Variants in SPTLC3 observed in about 807,000 individuals in gnomAD.
SPTLC3 encodes the protein serine palmitoyltransferase long chain base subunit 3.
In SPTLC3, 36 loss-of-function variants were observed where a neutral mutation model predicts 59.3. The observed-to-expected ratio is 0.61, with a 90% CI of 0.47 to 0.80. The LOEUF is 0.80. Ranked by LOEUF, SPTLC3 falls within the 30% of genes least tolerant of loss-of-function variation. The pLI is 0.00. For missense variants in SPTLC3, 625 were observed against 685.1 expected (o/e 0.91, Z 0.98); for synonymous variants, 257 against 240.8 (o/e 1.07, Z -0.62).
chr20:13,097,530 G>C (rs916647015), intron 6 of SPTLC3, among the ~76,000 whole-genome samples: 1 of 152,050 alleles, frequency 6.6e-6, no homozygotes, highest in African/African-American at 2.4e-5. Flanking sequence ...CTACAGCAGT[G>C]TTCTCTTAGA....
intron 2 of SPTLC3, among the ~76,000 whole-genome samples, chr20:13,055,677 A>G (rs376499178): frequency 1.3e-5 from 2 of 151,984 alleles, no homozygotes; most frequent in African/African-American, 4.8e-5. Flanking sequence ...TTTTATCAGG[A>G]AAAAAAATAC....
intron 6 of SPTLC3, among the ~76,000 whole-genome samples, chr20:13,109,710 C>G (rs1205635816): frequency 6.6e-6 from 1 of 152,220 alleles, no homozygotes; most frequent in African/African-American, 2.4e-5. Context: ...CTCAGCTAAA[C>G]TCTAACATGC....
chr20:13,086,948 C>G (rs896022160), intron 4 of SPTLC3, among the ~76,000 whole-genome samples: 4 of 152,128 alleles, frequency 2.6e-5, no homozygotes, highest in African/African-American at 9.7e-5. Flanking sequence ...TACCACCATG[C>G]CCAGCTACTT....
intron 6 of SPTLC3, among the ~76,000 whole-genome samples, chr20:13,096,334 G>A (rs4813114): frequency 0.64 from 96,889 of 151,828 alleles, 32,195 homozygotes; most frequent in South Asian, 0.84. Flanking sequence ...AAGAATGTTC[G>A]TAGCATCTTT....
chr20:13,134,700 G>A (rs1348876879), intron 9 of SPTLC3, among the ~76,000 whole-genome samples: 1 of 152,084 alleles, frequency 6.6e-6, no homozygotes, highest in Non-Finnish European at 1.5e-5. Context: ...TCTGTGCAGT[G>A]GGAGAAGTAA....
At chr20:13,088,705 G>C (rs538042998) in intron 4 of SPTLC3, among the ~76,000 whole-genome samples, 1 of 150,832 alleles carries the variant, frequency 6.6e-6, no homozygotes, top group East Asian at 1.9e-4. Context: ...CGCAACCTCT[G>C]CCTCCCAAGT....
At chr20:13,112,331 T>C (rs530743073) in intron 7 of SPTLC3, among the ~76,000 whole-genome samples, 6 of 152,320 alleles carry the variant, frequency 3.9e-5, no homozygotes, top group African/African-American at 1.2e-4. Context: ...GCTTTCTCTA[T>C]AGATAGTCTC....
At chr20:13,051,234 A>G (rs967091650) in intron 2 of SPTLC3, among the ~76,000 whole-genome samples, 3 of 150,294 alleles carry the variant, frequency 2.0e-5, no homozygotes, top group East Asian at 3.9e-4. Flanking sequence ...AACTTAAAGT[A>G]AACGGGTGGA....
chr20:13,072,338 C>T lies in SPTLC3; in HGVS notation c.386C>T (p.Pro129Leu). 1 of 1,613,802 alleles carries T rather than the reference C, an allele frequency of 6.2e-7. No individual in the cohort carries two copies. The highest frequency in any genetic ancestry group is 8.5e-7 in the Non-Finnish European group (1 of 1,179,818). Reference protein sequence around the residue: ...YMRIRDNWNRPICSAPGPLFD... With the variant: ...YMRIRDNWNRLICSAPGPLFD... The stretch of plus-strand genomic sequence containing the variant: ...CGAATCAGAGACAACTGGAACCGGC[C>T]CATCTGCAGTGCCCCAGGGCCTCTG... Residue 129 changes from proline to leucine, a missense_variant, in exon 3 of 12, where the codon CCC becomes CTC. Transcript: ENST00000399002.
intron 6 of SPTLC3, among the ~76,000 whole-genome samples, chr20:13,095,708 A>G (rs906848447): frequency 1.3e-5 from 2 of 152,106 alleles, no homozygotes; most frequent in Non-Finnish European, 2.9e-5. Context: ...AAGACCTAGA[A>G]TCTTATTTTT....
At chr20:13,028,623 C>T (rs76567848) in intron 1 of SPTLC3, among the ~76,000 whole-genome samples, 1 of 152,048 alleles carries the variant, frequency 6.6e-6, no homozygotes, top group African/African-American at 2.4e-5. Context: ...TGAAAATTTT[C>T]ATACATGTCT....
chr20:13,080,041 T>C (rs559637044), intron 4 of SPTLC3, among the ~76,000 whole-genome samples: 21 of 152,238 alleles, frequency 1.4e-4, no homozygotes, highest in Middle Eastern at 3.4e-3. Context: ...TAAACTTCTG[T>C]ACATAGAAAA....
In SPTLC3 at chr20:13,138,458, A is replaced by C. The variant is rs181554196; in HGVS notation, c.1279+11741A>C. ...CTTCCTTCAGTCCCTTGCGGTTTTT[A>C]CTTCTATTATGTTAGTCACACACAC... is the stretch of plus-strand genomic sequence containing the variant. On this transcript the variant is annotated intron_variant, in intron 9 of 11. Coordinates refer to ENST00000399002, the MANE Select transcript of SPTLC3 (RefSeq NM_018327.4). Among the ~76,000 whole-genome samples the C allele has an allele frequency of 7.3e-3, 1,116 of 151,942 alleles. 15 individuals carry two copies. The highest frequency in any genetic ancestry group is 0.025 in the African/African-American group (1,051 of 41,414).
intron 6 of SPTLC3, among the ~76,000 whole-genome samples, chr20:13,102,797 C>A (rs1238400389): frequency 1.3e-5 from 2 of 152,198 alleles, no homozygotes; most frequent in Non-Finnish European, 2.9e-5. Context: ...GGATCAGAAT[C>A]CTATGCATTA....
intron 4 of SPTLC3, among the ~76,000 whole-genome samples, chr20:13,081,159 GC>G (rs1173624379): frequency 2.0e-5 from 3 of 152,134 alleles, no homozygotes; most frequent in African/African-American, 7.2e-5. Context: ...GCTCCCTCCC[GC>G]CTTTGCCACA....
chr20:13,164,259 A>G (rs553434669), intron 11 of SPTLC3: 8 of 446,872 alleles, frequency 1.8e-5, no homozygotes, highest in African/African-American at 1.6e-4. Context: ...TCTGGGACAC[A>G]GAGATGAGTA....
At chr20:13,138,113 T>C (rs923247162) in intron 9 of SPTLC3, among the ~76,000 whole-genome samples, 2 of 152,222 alleles carry the variant, frequency 1.3e-5, no homozygotes, top group Non-Finnish European at 2.9e-5. Context: ...ACAGTCAGTA[T>C]CATTTTCTTC....
At chr20:13,134,243 A>G (rs945454779) in intron 9 of SPTLC3, among the ~76,000 whole-genome samples, 10 of 152,292 alleles carry the variant, frequency 6.6e-5, no homozygotes, top group Admixed American at 2.0e-4. Flanking sequence ...TGCTCACAAA[A>G]TATCTGTTTA....
intron 1 of SPTLC3, among the ~76,000 whole-genome samples, chr20:13,046,129 T>C (rs551195065): frequency 6.6e-6 from 1 of 152,308 alleles, no homozygotes; most frequent in Non-Finnish European, 1.5e-5. Context: ...ATTCACCCTT[T>C]TTCTTCTGTG....
Sources: gnomAD v4.1 joint callset for allele counts (sites outside exome capture counted in the v4.1 genomes callset) on GRCh38, gnomAD v4.1.1 for gene constraint, MANE v1.5 for transcripts, NCBI Gene and HGNC (gene_info 2026-07-23, HGNC 2026-07-21) for gene names.